TBL1X: variants seen among roughly 807,000 people sequenced by gnomAD.
TBL1X encodes F-box-like/WD repeat-containing protein TBL1X.
Under a neutral mutation model 50.7 loss-of-function variants are expected in TBL1X, and 10 were observed. That is an observed-to-expected ratio of 0.20 (90% CI 0.12 to 0.33). The LOEUF (loss-of-function observed/expected upper bound fraction) is 0.33. Among genes scored for constraint, TBL1X ranks in the 10% least tolerant of loss-of-function variants. TBL1X has a pLI of 1.00. For missense variants in TBL1X, 340 were observed against 504.4 expected (o/e 0.67, Z 3.12); for synonymous variants, 190 against 214.7 (o/e 0.88, Z 1.01).
intron 5 of TBL1X, among the ~76,000 whole-genome samples, chrX:9,672,569 A>C (rs1457087354): frequency 9.0e-6 from 1 of 110,936 alleles, no homozygotes; most frequent in Non-Finnish European, 1.9e-5. Flanking sequence ...TGCCTGTAGT[A>C]ATATGTCACT....
intron 2 of TBL1X, among the ~76,000 whole-genome samples, chrX:9,561,752 A>G (rs760267732): frequency 3.6e-5 from 4 of 112,012 alleles, no homozygotes; most frequent in African/African-American, 6.5e-5. Context: ...TTCCCTCTCT[A>G]TAGACATTGG....
At chrX:9,669,689 C>G (rs1325916075) in intron 5 of TBL1X, among the ~76,000 whole-genome samples, 6 of 112,119 alleles carry the variant, frequency 5.4e-5, no homozygotes, top group Non-Finnish European at 9.4e-5. Flanking sequence ...TGAGTACATG[C>G]AGACAGCTGC....
chrX:9,555,042 A>G (rs1180639477), intron 2 of TBL1X, among the ~76,000 whole-genome samples: 7 of 111,910 alleles, frequency 6.3e-5, no homozygotes, highest in African/African-American at 2.0e-4. Context: ...AGGTTCATCC[A>G]TGTCATAGCA....
At position 9,688,187 on chromosome X, in the gene TBL1X, C is replaced by A. The variant is rs769707212; in HGVS notation, c.528C>A (p.Thr176=). 90 of 1,196,677 alleles carry A rather than the reference C, an allele frequency of 7.5e-5. No homozygotes were observed. Among genetic ancestry groups the A allele is most frequent in the Non-Finnish European group, 1.0e-4 (90 of 888,476 alleles). ...AAATAAATAA[T]TTSAGVSHQN... is the part of the protein sequence containing the mutation. ...CCACGGCAGCAGCGACAGCAGCCAC[C>A]ACGACCTCAGCCGGCGTTTCCCACC... The change falls in exon 7 of 18, where the codon ACC becomes ACA. Residue 176 remains threonine (T), a synonymous_variant. Transcript: ENST00000645353.
chrX:9,545,689 C>G (rs1401401923), intron 2 of TBL1X, among the ~76,000 whole-genome samples: 4 of 111,028 alleles, frequency 3.6e-5, no homozygotes, highest in African/African-American at 1.3e-4. Flanking sequence ...TCCTTCCCTT[C>G]ACTCCATGGA....
Position 9,603,380 on chromosome X carries a change from G to A in TBL1X, c.-130-36893G>A, listed in dbSNP as rs113878608. Among the ~76,000 whole-genome samples, 931 of 112,647 alleles carry A rather than the reference G, an allele frequency of 8.3e-3. 11 individuals carry two copies. Among genetic ancestry groups the A allele is most frequent in the African/African-American group, 0.028 (863 of 31,059 alleles). ...ACTGTTTTAAAAGATCTGTAAATGC[G>A]TGTATGGCAGTGTGTATATTTAGCA... On this transcript the variant is annotated intron_variant, in intron 2 of 17. Transcript: ENST00000645353.
In TBL1X at chrX:9,696,813, C is replaced by G. The variant is rs767386333; in HGVS notation, c.1054-556C>G. 2.7e-5 allele frequency among the ~76,000 whole-genome samples: 3 copies of G among 112,670 alleles called. No homozygotes were observed. In the East Asian group the frequency reaches 8.3e-4, roughly 31 times the overall value. ...TTCCTACCAATTTTGGTAGTTCTTG[C>G]AAGTATTGGTTAGGGATGCTCTGTC... is the stretch of plus-strand genomic sequence containing the variant. On this transcript the variant is annotated intron_variant, in intron 11 of 17. Coordinates refer to ENST00000645353, the MANE Select transcript of TBL1X (RefSeq NM_005647.4).
chrX:9,568,395 C>T (rs1483822473), intron 2 of TBL1X, among the ~76,000 whole-genome samples: 2 of 108,170 alleles, frequency 1.8e-5, no homozygotes, highest in African/African-American at 6.8e-5. Flanking sequence ...GTATATGTCT[C>T]TGGTGGGCTG....
chrX:9,713,152 G>T (rs2083258093), intron 16 of TBL1X, among the ~76,000 whole-genome samples: 1 of 111,255 alleles, frequency 9.0e-6, no homozygotes, highest in African/African-American at 3.3e-5. Context: ...TCTCAGGGAA[G>T]GAAGGGAAAT....
intron 5 of TBL1X, among the ~76,000 whole-genome samples, chrX:9,671,051 G>A (rs1719710911): frequency 8.9e-6 from 1 of 112,214 alleles, no homozygotes; most frequent in Non-Finnish European, 1.9e-5. Context: ...ATGCTTTGAT[G>A]TGATCTCATT....
intron 2 of TBL1X, among the ~76,000 whole-genome samples, chrX:9,544,561 T>C (rs2082231896): frequency 8.9e-6 from 1 of 112,031 alleles, no homozygotes; most frequent in South Asian, 3.7e-4. Flanking sequence ...ACTCAATGTT[T>C]ATTTATTTTT....
chrX:9,646,106 G>A (rs1024190482), intron 3 of TBL1X, among the ~76,000 whole-genome samples: 3 of 112,541 alleles, frequency 2.7e-5, no homozygotes, highest in Non-Finnish European at 3.8e-5. Flanking sequence ...TGGTGAGATC[G>A]ATCGTATCGT....
chrX:9,591,816 G>T (rs2082501722), intron 2 of TBL1X, among the ~76,000 whole-genome samples: 1 of 112,006 alleles, frequency 8.9e-6, no homozygotes, highest in African/African-American at 3.2e-5. Context: ...AACTCATAGG[G>T]TACCTCCAGG....
chrX:9,500,132 C>G (rs2081992913), intron 1 of TBL1X, among the ~76,000 whole-genome samples: 1 of 108,354 alleles, frequency 9.2e-6, no homozygotes, highest in Non-Finnish European at 1.9e-5. Context: ...AAAAAATTAG[C>G]CAGGCATGGT....
At position 9,688,260 on chromosome X, in the gene TBL1X, A is replaced by G. The variant is rs773103117; in HGVS notation, c.601A>G (p.Arg201Gly). 2.5e-6 allele frequency: 3 copies of G among 1,188,799 alleles called. No homozygotes were observed. Among genetic ancestry groups the G allele is most frequent in the Non-Finnish European group, 3.4e-6 (3 of 882,271 alleles). Residue 201 changes from arginine to glycine, a missense_variant, in exon 7 of 18, where the codon AGA becomes GGA. Transcript: ENST00000645353. ...REATVNGEEN[R>G]AHSVNNHAKP... is the part of the protein sequence containing the mutation. ...GGCCACGGTGAATGGGGAAGAGAAC[A>G]GAGCACATTCAGTCAGTGAGTGCAG... is the stretch of plus-strand genomic sequence containing the variant.
intron 5 of TBL1X, among the ~76,000 whole-genome samples, chrX:9,656,180 C>A (rs934547792): frequency 8.9e-6 from 1 of 112,485 alleles, no homozygotes; most frequent in Non-Finnish European, 1.9e-5. Flanking sequence ...CAGGTGATCT[C>A]CTGCCTCAGA....
chrX:9,465,525 C>T (rs1043961402), intron 1 of TBL1X, 78 bp downstream of exon 1: 6 of 111,490 alleles, frequency 5.4e-5, no homozygotes, highest in African/African-American at 1.6e-4. Flanking sequence ...GCTGACCCTC[C>T]AGGGTCCGGC....
chrX:9,595,666 C>T (rs766165199), intron 2 of TBL1X, among the ~76,000 whole-genome samples: 133 of 111,640 alleles, frequency 1.2e-3, no homozygotes, highest in African/African-American at 4.2e-3. Context: ...ACTAAGCACT[C>T]AAAGCCTTCC....
At chrX:9,466,794 C>A (rs770102678) in intron 1 of TBL1X, among the ~76,000 whole-genome samples, 3 of 112,253 alleles carry the variant, frequency 2.7e-5, no homozygotes, top group Non-Finnish European at 5.6e-5. Flanking sequence ...TTGAGTATGA[C>A]GCGTTTATTT....
Sources: gnomAD v4.1 joint callset for allele counts (sites outside exome capture counted in the v4.1 genomes callset) on GRCh38, gnomAD v4.1.1 for gene constraint, MANE v1.5 for transcripts, NCBI Gene and HGNC (gene_info 2026-07-23, HGNC 2026-07-21) for gene names.